CHRM3: variants seen among roughly 807,000 people sequenced by gnomAD.
The protein encoded by CHRM3 is muscarinic acetylcholine receptor M3.
A neutral mutation model predicts 41.8 loss-of-function variants in CHRM3; 11 were observed. The observed-to-expected ratio is 0.26, with a 90% CI of 0.17 to 0.44. The LOEUF (loss-of-function observed/expected upper bound fraction) is 0.44. Ranked by LOEUF, CHRM3 falls within the 20% of genes least tolerant of loss-of-function variation. CHRM3 has a pLI of 1.00. For missense variants in CHRM3, 571 were observed against 745.4 expected (o/e 0.77, Z 2.72); for synonymous variants, 297 against 301.4 (o/e 0.99, Z 0.15).
At chr1:239,483,994 T>C (rs984111074) in intron 1 of CHRM3, among the ~76,000 whole-genome samples, 3 of 152,214 alleles carry the variant, frequency 2.0e-5, no homozygotes, top group Non-Finnish European at 4.4e-5. Flanking sequence ...AAAAACATAA[T>C]GCTATTAACG....
chr1:239,721,888 C>T (rs544663309), intron 5 of CHRM3, among the ~76,000 whole-genome samples: 61 of 151,600 alleles, frequency 4.0e-4, no homozygotes, highest in Middle Eastern at 3.4e-3. Flanking sequence ...AGCAGGTGAG[C>T]GAGGGAAATC....
intron 4 of CHRM3, among the ~76,000 whole-genome samples, chr1:239,641,065 G>T (rs1242601909): frequency 6.6e-6 from 1 of 152,102 alleles, no homozygotes. Flanking sequence ...TTTAATGTAG[G>T]TGAGCGGTTT....
chr1:239,691,089 G>A (rs1003105751), intron 5 of CHRM3, among the ~76,000 whole-genome samples: 10 of 152,024 alleles, frequency 6.6e-5, no homozygotes, highest in African/African-American at 1.4e-4. Flanking sequence ...AATGGGAGGC[G>A]TCATGAGCTG....
Position 239,490,840 on chromosome 1 carries a change from G to T in CHRM3, c.-520-1869G>T, listed in dbSNP as rs149072245. Among the ~76,000 whole-genome samples the T allele has an allele frequency of 2.6e-5, 4 of 152,042 alleles. No homozygotes were observed. In the South Asian group the frequency reaches 8.3e-4, roughly 32 times the overall value. On this transcript the variant is annotated intron_variant, in intron 1 of 6. Coordinates refer to ENST00000676153, the MANE Select transcript of CHRM3 (RefSeq NM_001375978.1). ...CAGCTCACTGCAGCCTCATTCTTCC[G>T]GGGCTGACTTCCACTTCAGCCTCCC...
chr1:239,736,794 A>G (rs527331702), intron 5 of CHRM3, among the ~76,000 whole-genome samples: 1 of 152,302 alleles, frequency 6.6e-6, no homozygotes, highest in South Asian at 2.1e-4. Flanking sequence ...AATAAAGTGT[A>G]ATTAAGTAAC....
At chr1:239,488,631 T>C (rs1572472016) in intron 1 of CHRM3, among the ~76,000 whole-genome samples, 1 of 135,912 alleles carries the variant, frequency 7.4e-6, no homozygotes, top group Non-Finnish European at 1.5e-5. Context: ...AGGAGAATGG[T>C]GTGAACCTGG....
At chr1:239,425,285 TACTC>T (rs1365188665) in intron 1 of CHRM3, among the ~76,000 whole-genome samples, 5 of 152,228 alleles carry the variant, frequency 3.3e-5, no homozygotes, top group African/African-American at 4.8e-5. Flanking sequence ...TTAATTCATT[TACTC>T]ACTCAATCAT....
At chr1:239,747,248 A>G (rs1665447940) in intron 5 of CHRM3, among the ~76,000 whole-genome samples, 1 of 152,234 alleles carries the variant, frequency 6.6e-6, no homozygotes, top group African/African-American at 2.4e-5. Context: ...GATTCATTAC[A>G]TAAATATTTA....
chr1:239,781,941 G>A (rs1668536317), intron 5 of CHRM3, among the ~76,000 whole-genome samples: 1 of 152,016 alleles, frequency 6.6e-6, no homozygotes, highest in Non-Finnish European at 1.5e-5. Flanking sequence ...TGTTGAACCA[G>A]CCTTGCATAT....
chr1:239,444,251 C>T (rs1224606564), intron 1 of CHRM3, among the ~76,000 whole-genome samples: 1 of 152,106 alleles, frequency 6.6e-6, no homozygotes, highest in Non-Finnish European at 1.5e-5. Flanking sequence ...TTAACTGTCT[C>T]CATATATTTT....
At chr1:239,826,273 T>G (rs1672452705) in intron 5 of CHRM3, among the ~76,000 whole-genome samples, 1 of 152,150 alleles carries the variant, frequency 6.6e-6, no homozygotes. Flanking sequence ...TCGCTCCCCA[T>G]TTGGTTGTAA....
intron 6 of CHRM3, among the ~76,000 whole-genome samples, chr1:239,892,307 T>C (rs1258247602): frequency 1.3e-5 from 2 of 152,232 alleles, no homozygotes; most frequent in African/African-American, 4.8e-5. Flanking sequence ...TTATTTTATT[T>C]TGATTCTTGC....
chr1:239,437,630 G>A (rs1331555592), intron 1 of CHRM3, among the ~76,000 whole-genome samples: 1 of 152,052 alleles, frequency 6.6e-6, no homozygotes, highest in South Asian at 2.1e-4. Flanking sequence ...TCTGCCTCCC[G>A]AGTTCAAGCG....
intron 1 of CHRM3, among the ~76,000 whole-genome samples, chr1:239,426,193 A>G (rs1306136993): frequency 7.7e-6 from 1 of 129,412 alleles, no homozygotes; most frequent in Non-Finnish European, 1.6e-5. Context: ...TCAGGAAACA[A>G]CAGGTGCTGG....
intron 5 of CHRM3, among the ~76,000 whole-genome samples, chr1:239,778,146 A>G (rs114093488): frequency 0.013 from 1,978 of 152,294 alleles, 38 homozygotes; most frequent in African/African-American, 0.045. Context: ...TGCTAGGTTG[A>G]CCTTTGACCA....
rs1680561118 is a variant in CHRM3, at chr1:239,914,869, G to A, written c.*5645G>A. The A allele has an allele frequency of 6.0e-6, 1 of 166,868 alleles. No individual in the cohort carries two copies. The highest frequency in any genetic ancestry group is 1.5e-5 in the Non-Finnish European group (1 of 68,116). 10.3% of individuals were successfully genotyped at this position (166,868 alleles called of 1,614,324 possible). On this transcript the variant is annotated 3_prime_UTR_variant, in exon 7 of 7. Coordinates refer to ENST00000676153, the MANE Select transcript of CHRM3 (RefSeq NM_001375978.1). ...AATCAAACACATGATCTCCCTTCTA[G>A]CCATTCCTCATCCAGTACATGGGCA... is the stretch of plus-strand genomic sequence containing the variant.
chr1:239,842,042 GCTC>G (rs1397899692), intron 6 of CHRM3, among the ~76,000 whole-genome samples: 1 of 152,222 alleles, frequency 6.6e-6, no homozygotes, highest in African/African-American at 2.4e-5. Context: ...GAAATGGGCT[GCTC>G]CTTGTTTCAT....
intron 3 of CHRM3, among the ~76,000 whole-genome samples, chr1:239,552,627 A>ATTAT (rs1659977717): frequency 2.1e-5 from 3 of 139,770 alleles, no homozygotes; most frequent in African/African-American, 5.2e-5. Context: ...CACCTGACTA[A>ATTAT]TATTATTATT....
At chr1:239,802,358 A>G (rs985191469) in intron 5 of CHRM3, among the ~76,000 whole-genome samples, 2 of 152,192 alleles carry the variant, frequency 1.3e-5, no homozygotes, top group Admixed American at 1.3e-4. Context: ...GGTTGAGAAT[A>G]TGCTAAAGTT....
Sources: allele counts gnomAD v4.1 joint callset (sites outside exome capture counted in the v4.1 genomes callset), GRCh38; gene constraint gnomAD v4.1.1; transcripts MANE v1.5; gene names NCBI Gene and HGNC (gene_info 2026-07-23, HGNC 2026-07-21).